GDPD5: variants seen among roughly 807,000 people sequenced by gnomAD.
GDPD5 encodes glycerophosphodiester phosphodiesterase 2.
A neutral mutation model predicts 75.1 loss-of-function variants in GDPD5; 48 were observed. That is an observed-to-expected ratio of 0.64 (90% confidence interval 0.51 to 0.81). The LOEUF (loss-of-function observed/expected upper bound fraction) is 0.81, where lower values mean the gene tolerates loss of function less well. GDPD5 is among the 40% of genes least tolerant of loss of function. GDPD5 has a pLI of 0.00. For missense variants in GDPD5, 706 were observed against 822.6 expected, an observed-to-expected ratio of 0.86 and a Z score of 1.73; for synonymous variants, 336 against 339.0, an observed-to-expected ratio of 0.99 and a Z score of 0.10.
chr11:75,481,896 G>A (rs987957782), intron 2 of GDPD5, among the ~76,000 whole-genome samples: 2 of 152,102 alleles, frequency 1.3e-5, no homozygotes, highest in Non-Finnish European at 2.9e-5. Flanking sequence ...CTTGGTTTCT[G>A]AATCTGTAAA....
Position 75,443,267 on chromosome 11 carries a change from G to C in GDPD5, c.817C>G (p.Leu273Val). 2 of 1,610,128 alleles carry C rather than the reference G, an allele frequency of 1.2e-6. No individual in the cohort carries two copies. Among genetic ancestry groups the C allele is most frequent in the Non-Finnish European group, 1.7e-6 (2 of 1,178,832 alleles). The change falls in exon 11 of 17, where the codon CTC (leucine) becomes GTC (valine). Residue 273 changes from leucine (L) to valine (V), a missense_variant. By Grantham distance (32) the Leu-to-Val change is conservative (BLOSUM62 1). Transcript: ENST00000336898. The part of the protein sequence containing the change: ...ITISLDGVPF[L>V]MHDTTLRRTT... ...CGCCGCAGGGTGGTGTCATGCATGA[G>C]GAAGGGCACGCCGTCCAGGCTGCAG...
At position 75,439,798 on chromosome 11, in the gene GDPD5, G is replaced by A. The variant is rs951386866; in HGVS notation, c.1556+81C>T. On this transcript the variant is annotated intron_variant, in intron 15 of 16. Coordinates refer to ENST00000336898, the MANE Select transcript of GDPD5 (RefSeq NM_030792.8). The stretch of plus-strand genomic sequence containing the variant: ...CTCCTGGCTGAGGCCCAGGGCTCAG[G>A]AGAGGGTTCACCTGGCTGGGGTGGG... 4.3e-6 allele frequency: 5 copies of A among 1,166,698 alleles called. No individual in the cohort carries two copies. The African/African-American group carries it at 7.6e-5, about 18-fold the overall frequency. The allele number at this position is 1,166,698 out of a possible 1,614,324, so 72.3% of individuals were successfully genotyped here.
At chr11:75,495,308 TTA>T (rs377593028) in intron 1 of GDPD5, among the ~76,000 whole-genome samples, 1 of 149,590 alleles carries the variant, frequency 6.7e-6, no homozygotes, top group African/African-American at 2.4e-5. Flanking sequence ...GAATTTAATT[TTA>T]TATATATATA....
chr11:75,437,965 C>T (rs941557467), intron 15 of GDPD5: 2 of 152,402 alleles, frequency 1.3e-5, no homozygotes, highest in South Asian at 2.1e-4. Context: ...ACCCAACTGC[C>T]TCAGGGACTG....
chr11:75,499,204 T>C (rs1950261945), intron 1 of GDPD5, among the ~76,000 whole-genome samples: 1 of 151,936 alleles, frequency 6.6e-6, no homozygotes, highest in Non-Finnish European at 1.5e-5. Context: ...ATCCCCATCT[T>C]GCAAGCAGCA....
chr11:75,448,946 G>A (rs757983708), intron 9 of GDPD5, 31 bp downstream of exon 9: 19 of 1,526,860 alleles, frequency 1.2e-5, no homozygotes, highest in Admixed American at 5.0e-5. Context: ...CCACCCCAAC[G>A]GGGCTGTTAG....
At chr11:75,514,997 T>C (rs543530838) in intron 1 of GDPD5, among the ~76,000 whole-genome samples, 1 of 152,214 alleles carries the variant, frequency 6.6e-6, no homozygotes, top group East Asian at 2.0e-4. Context: ...CCATGTCTTC[T>C]AAGTTCCACT....
intron 1 of GDPD5, among the ~76,000 whole-genome samples, chr11:75,524,249 C>A (rs545575328): frequency 2.6e-5 from 4 of 152,362 alleles, no homozygotes; most frequent in Non-Finnish European, 5.9e-5. Context: ...AAAGGCAATG[C>A]GGTTGCAGGC....
At chr11:75,471,892 G>A (rs1191152984) in intron 3 of GDPD5, among the ~76,000 whole-genome samples, 2 of 152,090 alleles carry the variant, frequency 1.3e-5, no homozygotes, top group Non-Finnish European at 2.9e-5. Context: ...TCTCTCTCTT[G>A]TGGATGTAAT....
intron 14 of GDPD5, among the ~76,000 whole-genome samples, chr11:75,440,328 G>A (rs61897372): frequency 0.053 from 8,046 of 152,054 alleles, 307 homozygotes; most frequent in East Asian, 0.089. Context: ...CTCATCCATC[G>A]GTCTCGACCC....
chr11:75,516,668 G>C (rs1950645531), intron 1 of GDPD5, among the ~76,000 whole-genome samples: 1 of 152,228 alleles, frequency 6.6e-6, no homozygotes. Flanking sequence ...GCAAGTGCAT[G>C]CACCAACAGC....
At chr11:75,506,792 G>A (rs1950407921) in intron 1 of GDPD5, 1 of 152,190 alleles carries the variant, frequency 6.6e-6, no homozygotes, top group African/African-American at 2.4e-5. Context: ...GAGATTCTAT[G>A]GTTCCATGAT....
At chr11:75,482,056 C>T (rs1289175606) in intron 2 of GDPD5, among the ~76,000 whole-genome samples, 1 of 152,104 alleles carries the variant, frequency 6.6e-6, no homozygotes, top group East Asian at 1.9e-4. Flanking sequence ...CCCCTGCCTT[C>T]ACACTCCTTT....
At chr11:75,522,929 A>G (rs1050715831) in intron 1 of GDPD5, among the ~76,000 whole-genome samples, 36 of 152,100 alleles carry the variant, frequency 2.4e-4, no homozygotes, top group African/African-American at 7.7e-4. Context: ...GGTGTCCCCA[A>G]GCAGACTGAT....
At chr11:75,494,202 G>A (rs535157685) in intron 1 of GDPD5, among the ~76,000 whole-genome samples, 132 of 130,004 alleles carry the variant, frequency 1.0e-3, no homozygotes, top group South Asian at 6.2e-3. Flanking sequence ...ATTTACATTC[G>A]TTTACTTTTT....
intron 1 of GDPD5, among the ~76,000 whole-genome samples, chr11:75,511,644 T>C (rs1950520810): frequency 6.6e-6 from 1 of 152,150 alleles, no homozygotes; most frequent in Non-Finnish European, 1.5e-5. Flanking sequence ...GAAGGGTGTC[T>C]GTGGCTGCCA....
At chr11:75,492,702 T>A (rs1402752790) in intron 1 of GDPD5, among the ~76,000 whole-genome samples, 3 of 152,190 alleles carry the variant, frequency 2.0e-5, no homozygotes, top group Non-Finnish European at 4.4e-5. Flanking sequence ...GTAGTCCACA[T>A]GAAATGAAGG....
At chr11:75,480,116 C>T (rs1430560669) in intron 2 of GDPD5, among the ~76,000 whole-genome samples, 1 of 152,128 alleles carries the variant, frequency 6.6e-6, no homozygotes, top group Non-Finnish European at 1.5e-5. Context: ...AGGTGGATCA[C>T]TTGAGGTCAG....
At chr11:75,480,249 CG>C (rs1339527665) in intron 2 of GDPD5, among the ~76,000 whole-genome samples, 1 of 151,566 alleles carries the variant, frequency 6.6e-6, no homozygotes, top group East Asian at 1.9e-4. Context: ...GCAAGAAAAT[CG>C]CTTAAACCTG....
Sources: allele counts gnomAD v4.1 joint callset (sites outside exome capture counted in the v4.1 genomes callset), GRCh38; gene constraint gnomAD v4.1.1; transcripts MANE v1.5; gene names NCBI Gene and HGNC (gene_info 2026-07-23, HGNC 2026-07-21).